The following SOX6 variants were observed in gnomAD, a reference collection of about 807,000 sequenced individuals.
SOX6 encodes transcription factor SOX-6.
SOX6 carries 11 observed loss-of-function variants against 97.8 expected under a neutral mutation model. The observed-to-expected ratio is 0.11, with a 90% CI of 0.07 to 0.19. The LOEUF is 0.19. Among genes scored for constraint, SOX6 ranks in the 10% least tolerant of loss-of-function variants. SOX6 has a pLI of 1.00. For missense variants in SOX6, 810 were observed against 1,039.5 expected, an observed-to-expected ratio of 0.78 and a Z score of 3.04; for synonymous variants, 360 against 371.4, an observed-to-expected ratio of 0.97 and a Z score of 0.35.
intron 3 of SOX6, among the ~76,000 whole-genome samples, chr11:16,271,054 A>C (rs1854244115): frequency 6.6e-6 from 1 of 151,430 alleles, no homozygotes; most frequent in Admixed American, 6.6e-5. Flanking sequence ...GAAATCAGAG[A>C]AAGAATACAT....
At chr11:16,110,854 A>G (rs1033181748) in intron 7 of SOX6, among the ~76,000 whole-genome samples, 7 of 152,242 alleles carry the variant, frequency 4.6e-5, no homozygotes, top group Non-Finnish European at 2.9e-5. Context: ...TAAGCATATT[A>G]AAACGCCTTT....
intron 1 of SOX6, among the ~76,000 whole-genome samples, chr11:16,389,119 G>T (rs1187170406): frequency 6.6e-6 from 1 of 152,060 alleles, no homozygotes; most frequent in African/African-American, 2.4e-5. Flanking sequence ...GTCTCACTCT[G>T]ACAACCAGGC....
intron 7 of SOX6, among the ~76,000 whole-genome samples, chr11:16,106,861 A>C (rs1333864186): frequency 6.6e-6 from 1 of 152,042 alleles, no homozygotes; most frequent in East Asian, 1.9e-4. Flanking sequence ...AGGTATTAAT[A>C]TCCACAATAC....
At chr11:16,478,746 T>C (rs551349728), upstream of SOX6, among the ~76,000 whole-genome samples, 12 of 152,328 alleles carry the variant, frequency 7.9e-5, no homozygotes. Flanking sequence ...TAAGAATTAA[T>C]ATATACACAA....
intron 4 of SOX6, among the ~76,000 whole-genome samples, chr11:16,539,348 A>C (rs1861364815): frequency 1.3e-5 from 2 of 152,222 alleles, no homozygotes; most frequent in Non-Finnish European, 2.9e-5. Context: ...ATAGCACTAA[A>C]TGCCCACAAG....
intron 4 of SOX6, among the ~76,000 whole-genome samples, chr11:16,532,444 C>G (rs564514132): frequency 6.6e-6 from 1 of 151,850 alleles, no homozygotes. Context: ...AATTCTGTAA[C>G]AAATGTTCAA....
At chr11:16,452,249 A>G (rs528444926) in intron 1 of SOX6, among the ~76,000 whole-genome samples, 2 of 152,318 alleles carry the variant, frequency 1.3e-5, no homozygotes, top group South Asian at 2.1e-4. Context: ...GGGACTTAAT[A>G]GGACAACAGG....
intron 3 of SOX6, among the ~76,000 whole-genome samples, chr11:16,682,477 T>G (rs960660830): frequency 2.6e-5 from 4 of 152,112 alleles, no homozygotes; most frequent in African/African-American, 9.7e-5. Flanking sequence ...ACAGAACCAA[T>G]GACAAAAACC....
intron 6 of SOX6, among the ~76,000 whole-genome samples, chr11:16,148,049 C>T (rs997965916): frequency 1.3e-5 from 2 of 152,110 alleles, no homozygotes. Context: ...AACAAGCGAT[C>T]TGTAATAATT....
intron 2 of SOX6, among the ~76,000 whole-genome samples, chr11:16,333,702 C>T (rs777447426): frequency 1.3e-5 from 2 of 152,046 alleles, no homozygotes; most frequent in Non-Finnish European, 2.9e-5. Context: ...TAGATTCACG[C>T]TAGACTAGAT....
At chr11:16,377,152 T>C (rs958389737) in intron 1 of SOX6, among the ~76,000 whole-genome samples, 3 of 152,084 alleles carry the variant, frequency 2.0e-5, no homozygotes, top group African/African-American at 7.2e-5. Flanking sequence ...GATTCAGCCT[T>C]ATTCTCTTTC....
chr11:15,989,130 G>A lies in SOX6; in HGVS notation c.1833C>T (p.Ala611=). 3 of 1,614,132 alleles carry A rather than the reference G, an allele frequency of 1.9e-6. No homozygotes were observed. The highest frequency in any genetic ancestry group is 2.5e-6 in the Non-Finnish European group (3 of 1,180,014). Residue 611 remains alanine, a synonymous_variant, in exon 14 of 16, where the codon GCC becomes GCT. Transcript: ENST00000683767. ...GTGGCTCGCTGCTGGCACGGCCGCG[G>A]GCGTCCCTGTAGACTCGTGCTTCAG... ...TVAEARVYRD[A]RGRASSEPHI...
At chr11:16,667,869 AC>A (rs1847818713) in intron 3 of SOX6, among the ~76,000 whole-genome samples, 1 of 152,174 alleles carries the variant, frequency 6.6e-6, no homozygotes, top group Non-Finnish European at 1.5e-5. Context: ...AAAAGTAATA[AC>A]TACAACAAAT....
At chr11:16,230,098 A>T (rs556596448) in intron 4 of SOX6, among the ~76,000 whole-genome samples, 1 of 152,040 alleles carries the variant, frequency 6.6e-6, no homozygotes, top group East Asian at 1.9e-4. Flanking sequence ...ACCTAATAAG[A>T]TATTCCATGA....
rs186487662 is a variant in SOX6, at chr11:16,605,330, C to T, written n.609+6751G>A. ...GGCGGGGCTGAACTACCCCTCGCCCCCGCTCCCGCCAGGTCAGGCACCACT... is the reference window on the plus strand; with the variant it reads ...GGCGGGGCTGAACTACCCCTCGCCCTCGCTCCCGCCAGGTCAGGCACCACT... On this transcript the variant is annotated intron_variant and non_coding_transcript_variant, in intron 4 of 5. Coordinates refer to the SOX6 transcript ENST00000524520. This position sits in a 1 kb window ranked among gnomAD's most constrained non-coding sequence, Gnocchi z 5.3. 7.1e-3 allele frequency among the ~76,000 whole-genome samples: 1,084 copies of T among 152,280 alleles called. 15 individuals carry two copies. The highest frequency in any genetic ancestry group is 0.024 in the African/African-American group (978 of 41,574).
intron 4 of SOX6, among the ~76,000 whole-genome samples, chr11:16,194,560 A>C (rs1457095262): frequency 1.3e-5 from 2 of 152,136 alleles, no homozygotes; most frequent in Non-Finnish European, 2.9e-5. Context: ...AATGTATGAG[A>C]ATTTCCTTCT....
intron 1 of SOX6, among the ~76,000 whole-genome samples, chr11:16,410,923 T>C (rs2133055666): frequency 6.6e-6 from 1 of 150,600 alleles, no homozygotes; most frequent in African/African-American, 2.4e-5. Flanking sequence ...TAAGGGTGCA[T>C]ATGACTACTA....
chr11:16,206,018 A>G (rs1852062492), intron 4 of SOX6, among the ~76,000 whole-genome samples: 1 of 152,082 alleles, frequency 6.6e-6, no homozygotes, highest in Non-Finnish European at 1.5e-5. Context: ...CTATGCCTGT[A>G]AAGATCATTA....
chr11:16,720,554 G>GA (rs1848252923), intron 2 of SOX6, among the ~76,000 whole-genome samples: 1 of 110,566 alleles, frequency 9.0e-6, no homozygotes, highest in Non-Finnish European at 1.9e-5. Context: ...GGGGTGGGGG[G>GA]AGGGGGGAGG....
Sources: gnomAD v4.1 joint callset for allele counts (sites outside exome capture counted in the v4.1 genomes callset) on GRCh38, gnomAD v4.1.1 for gene constraint, Gnocchi (gnomAD v3.1) non-coding constraint, MANE v1.5 for transcripts, NCBI Gene and HGNC (gene_info 2026-07-23, HGNC 2026-07-21) for gene names.